The following C4orf50 variants were observed in gnomAD, a reference collection of about 807,000 sequenced individuals.
C4orf50 encodes uncharacterized protein C4orf50.
Under a neutral mutation model 77.2 loss-of-function variants are expected in C4orf50, and 80 were observed. The ratio of observed to expected loss-of-function variants is 1.04; its 90% CI spans 0.87 to 1.25. The LOEUF is 1.25. Among genes scored for constraint, C4orf50 ranks in the 50% most tolerant of loss-of-function variants. C4orf50 has a pLI of 0.00. For missense variants in C4orf50, 1,257 were observed against 1,152.9 expected, an observed-to-expected ratio of 1.09 and a Z score of -1.31; for synonymous variants, 532 against 465.3, an observed-to-expected ratio of 1.14 and a Z score of -1.84.
chr4:5,933,757 C>T (rs886429671), intron 7 of C4orf50, among the ~76,000 whole-genome samples: 47 of 152,130 alleles, frequency 3.1e-4, no homozygotes, highest in Non-Finnish European at 2.9e-5. Context: ...GCCCAGACCC[C>T]CTTGAAGGAC....
chr4:5,908,228 A>G lies in C4orf50; in HGVS notation c.*2475-10040T>C, dbSNP rs116426060. Among the ~76,000 whole-genome samples the G allele has an allele frequency of 0.012, 1,841 of 152,316 alleles. 21 individuals carry two copies. The highest frequency in any genetic ancestry group is 0.024 in the Middle Eastern group (7 of 294). On this transcript the variant is annotated intron_variant, in intron 7 of 7. Transcript: ENST00000324058. This position sits in a 1 kb window ranked among gnomAD's most constrained non-coding sequence, Gnocchi z 5.6. ...GAGTAAAACAGACAAGCAAGCAAGT[A>G]TAATGCCAGAACAGAAGGAAATGCT...
intron 7 of C4orf50, among the ~76,000 whole-genome samples, chr4:5,920,766 G>A (rs1027410510): frequency 6.6e-6 from 1 of 152,188 alleles, no homozygotes; most frequent in Non-Finnish European, 1.5e-5. Flanking sequence ...GTGAGCCACA[G>A]CACCTGGCCA....
intron 25 of C4orf50, among the ~76,000 whole-genome samples, chr4:6,003,646 AGTGATGATG>A (rs1265539164): frequency 7.5e-5 from 7 of 92,896 alleles, no homozygotes; most frequent in Admixed American, 1.3e-4. Context: ...ATGATGTGAT[AGTGATGATG>A]GTGATGATGG....
rs555829552 is a variant in C4orf50, at chr4:6,011,154, TC to T, written c.426+675del. On this transcript the variant is annotated intron_variant, in intron 24 of 33. Coordinates refer to ENST00000531445, the Ensembl canonical transcript of C4orf50. The surrounding 1 kb of genome is among the most constrained non-coding windows in gnomAD (Gnocchi z 4.2). ...CTCTCCCATGCAGGGAGAATGGCAT[TC>T]CCCAAATGACCATCTGACCCTGAGG... Among the ~76,000 whole-genome samples, 10 of 152,198 alleles carry T rather than the reference TC, an allele frequency of 6.6e-5. No homozygotes were observed. The South Asian group carries it at 1.9e-3, about 28-fold the overall frequency.
intron 7 of C4orf50, among the ~76,000 whole-genome samples, chr4:5,937,027 TA>T (rs541636633): frequency 5.4e-4 from 80 of 147,324 alleles, no homozygotes; most frequent in East Asian, 5.0e-3. Flanking sequence ...CACCTAACCA[TA>T]AAAAAAAAAT....
intron 7 of C4orf50, among the ~76,000 whole-genome samples, chr4:5,951,122 G>A (rs963095660): frequency 2.0e-5 from 3 of 152,170 alleles, no homozygotes; most frequent in African/African-American, 7.2e-5. Flanking sequence ...CCAGAACTAG[G>A]GTCCCGTCGA....
At chr4:5,990,984 T>C (rs1245815416) in intron 27 of C4orf50, among the ~76,000 whole-genome samples, 160 bp from the exon 6 acceptor site, 2 of 152,192 alleles carry the variant, frequency 1.3e-5, no homozygotes, top group Non-Finnish European at 2.9e-5. Context: ...CCCAGGGCCT[T>C]TGCACGTGCT....
intron 31 of C4orf50, 55 bp downstream of exon 9, chr4:5,973,587 AGGCAGGGGCATGCAAGG>A (rs1209276844): frequency 2.4e-6 from 3 of 1,262,230 alleles, no homozygotes; most frequent in Non-Finnish European, 3.4e-6. Context: ...TGCTCCAGTC[AGGCAGGGGCATGCAAGG>A]GACGCGCCCA....
chr4:5,993,533 C>G (rs1359683061), intron 26 of C4orf50, among the ~76,000 whole-genome samples: 6 of 152,170 alleles, frequency 3.9e-5, no homozygotes, highest in Non-Finnish European at 7.3e-5. Flanking sequence ...GATATGGGCT[C>G]AAGCCGGGTG....
intron 7 of C4orf50, among the ~76,000 whole-genome samples, chr4:5,906,236 C>G (rs77294099): frequency 6.8e-6 from 1 of 147,960 alleles, no homozygotes; most frequent in East Asian, 2.0e-4. Flanking sequence ...AGTGGGGGGG[C>G]GGGGACTCCA....
exon 31 of C4orf50, chr4:5,973,809 C>A: frequency 6.2e-7 from 1 of 1,613,224 alleles, no homozygotes; most frequent in Non-Finnish European, 8.5e-7. Context: ...GGTTCCTCTC[C>A]CGGCACTTCC....
chr4:5,966,510 TAA>T (rs1232567796), intron 32 of C4orf50, among the ~76,000 whole-genome samples: 2 of 145,572 alleles, frequency 1.4e-5, no homozygotes, highest in South Asian at 2.2e-4. Flanking sequence ...ATAGCAGAAT[TAA>T]AAAAAAAAAG....
At chr4:5,971,294 C>A (rs1485146527) in intron 31 of C4orf50, among the ~76,000 whole-genome samples, 3 of 152,220 alleles carry the variant, frequency 2.0e-5, no homozygotes, top group Non-Finnish European at 4.4e-5. Context: ...CCGCTTCCTG[C>A]CTGGCTACCA....
intron 7 of C4orf50, among the ~76,000 whole-genome samples, chr4:5,946,967 G>A (rs966420971): frequency 6.6e-6 from 1 of 152,164 alleles, no homozygotes. Context: ...AACACACATG[G>A]TGCTCTTGGC....
intron 7 of C4orf50, among the ~76,000 whole-genome samples, chr4:5,948,929 T>C (rs1214156203): frequency 7.2e-6 from 1 of 139,666 alleles, no homozygotes. Flanking sequence ...CCATTGCACT[T>C]CAGCCTGGGC....
chr4:6,002,718 T>G (rs893804535), intron 25 of C4orf50, among the ~76,000 whole-genome samples: 5 of 152,130 alleles, frequency 3.3e-5, no homozygotes, highest in Non-Finnish European at 5.9e-5. Flanking sequence ...CATCCTCATG[T>G]CCTTGGAGGG....
rs143471590 is a variant in C4orf50, at chr4:5,935,464, C to G, written c.*2474+21437G>C. On this transcript the variant is annotated intron_variant, in intron 7 of 7. Transcript: ENST00000324058. The stretch of plus-strand genomic sequence containing the variant: ...CCTTGAGCCTGTGATATATTTGGGG[C>G]TGATGCTGAAACACACAGGATTCCT... 1.3e-4 allele frequency among the ~76,000 whole-genome samples: 20 copies of G among 152,290 alleles called. No individual in the cohort carries two copies. In the East Asian group the frequency reaches 3.7e-3, roughly 28 times the overall value.
At chr4:5,978,890 A>T (rs552100059) in intron 29 of C4orf50, among the ~76,000 whole-genome samples, 2 of 152,358 alleles carry the variant, frequency 1.3e-5, no homozygotes, top group East Asian at 3.9e-4. Context: ...AATCATATGT[A>T]TGAGGACTAT....
exon 28 of C4orf50, chr4:5,989,482 T>C (rs1560586764): frequency 6.5e-7 from 1 of 1,536,118 alleles, no homozygotes; most frequent in South Asian, 1.2e-5. Context: ...CCAAACCTGC[T>C]GAGAGTGAGC....
Sources: allele counts gnomAD v4.1 joint callset (sites outside exome capture counted in the v4.1 genomes callset), GRCh38; gene constraint gnomAD v4.1.1; non-coding constraint Gnocchi (gnomAD v3.1); transcripts MANE v1.5; gene names NCBI Gene and HGNC (gene_info 2026-07-23, HGNC 2026-07-21).